The following GLIS3 variants were observed in gnomAD, a reference collection of about 807,000 sequenced individuals.
GLIS3 encodes the protein GLIS family zinc finger 3, also known as zinc finger protein GLIS3.
In GLIS3, 53 loss-of-function variants were observed where a neutral mutation model predicts 78.6. That is an observed-to-expected ratio of 0.67 (90% CI 0.54 to 0.85). The LOEUF is 0.85. GLIS3 is among the 40% of genes least tolerant of loss of function. GLIS3 has a pLI of 0.00. For synonymous variants in GLIS3, 684 were observed against 509.9 expected (o/e 1.34, Z -4.60); for missense variants, 1,703 against 1,231.1 (o/e 1.38, Z -5.74).
intron 2 of GLIS3, among the ~76,000 whole-genome samples, chr9:4,264,440 T>C (rs995511678): frequency 6.6e-6 from 1 of 152,216 alleles, no homozygotes; most frequent in African/African-American, 2.4e-5. Flanking sequence ...TGTCCTTTTT[T>C]AAAATGTAAG....
At chr9:3,886,754 C>T (rs1563813380) in intron 7 of GLIS3, among the ~76,000 whole-genome samples, 1 of 152,202 alleles carries the variant, frequency 6.6e-6, no homozygotes, top group African/African-American at 2.4e-5. Flanking sequence ...ATGAAAAATG[C>T]TCTCTGAACC....
At position 4,237,189 on chromosome 9, in the gene GLIS3, G is replaced by C. The variant is rs141592732; in HGVS notation, c.388+48849C>G. On this transcript the variant is annotated intron_variant, in intron 2 of 10. Transcript: ENST00000381971. ...GAAAACTGTATTATGTATTATAGCAGGTTATTTAGAATACAGAAAATATCC... is the reference window on the plus strand; with the variant it reads ...GAAAACTGTATTATGTATTATAGCACGTTATTTAGAATACAGAAAATATCC... Among the ~76,000 whole-genome samples the C allele has an allele frequency of 8.8e-3, 1,345 of 152,018 alleles. 21 individuals carry two copies. The highest frequency in any genetic ancestry group is 0.031 in the African/African-American group (1,293 of 41,522).
Position 3,879,549 on chromosome 9 carries a change from A to C in GLIS3, c.2175T>G (p.Ala725=). The C allele has an allele frequency of 6.2e-7, 1 of 1,614,152 alleles. No individual in the cohort carries two copies. Among genetic ancestry groups the C allele is most frequent in the Middle Eastern group, 1.7e-4 (1 of 6,060 alleles). The change falls in exon 8 of 11, where the codon GCT becomes GCG. Residue 725 remains alanine (A), a synonymous_variant. Transcript: ENST00000381971. Reference sequence around the variant, plus strand: ...CAGGATGTGGGGGTGGTACGGCCCCAGCAGCTGTTCCACTTCGGCTTGAAT... The same window carrying C: ...CAGGATGTGGGGGTGGTACGGCCCCCGCAGCTGTTCCACTTCGGCTTGAAT... ...SNYSSRSGTA[A]GAVPPPHPVS...
At chr9:4,017,349 A>G (rs1038074770) in intron 4 of GLIS3, among the ~76,000 whole-genome samples, 13 of 152,198 alleles carry the variant, frequency 8.5e-5, no homozygotes, top group Non-Finnish European at 1.8e-4. Flanking sequence ...CAACCAACAC[A>G]AGATGTAATT....
intron 4 of GLIS3, among the ~76,000 whole-genome samples, chr9:4,106,247 T>A (rs187824765): frequency 4.2e-4 from 64 of 152,292 alleles, no homozygotes; most frequent in Admixed American, 3.3e-3. Flanking sequence ...AGAGAACAGG[T>A]AGAGTTTTCA....
At chr9:3,849,089 C>G (rs989490728) in intron 9 of GLIS3, among the ~76,000 whole-genome samples, 6 of 152,146 alleles carry the variant, frequency 3.9e-5, no homozygotes, top group African/African-American at 1.4e-4. Context: ...GTAAGTGGTA[C>G]ATGGATGACA....
chr9:3,907,655 C>CACACACA (rs758113264), intron 6 of GLIS3, among the ~76,000 whole-genome samples: 113 of 146,306 alleles, frequency 7.7e-4, no homozygotes, highest in African/African-American at 2.0e-3. Flanking sequence ...CACACACACA[C>CACACACA]TACTAAACAG....
intron 2 of GLIS3, among the ~76,000 whole-genome samples, chr9:4,242,102 G>A (rs939835404): frequency 6.6e-6 from 1 of 152,164 alleles, no homozygotes; most frequent in Non-Finnish European, 1.5e-5. Flanking sequence ...AAAGGAGTGT[G>A]CAGGGGTGCC....
At chr9:4,466,996 G>C in the GLIS3 span, among the ~76,000 whole-genome samples, 3 of 152,238 alleles carry the variant, frequency 2.0e-5, no homozygotes, top group Non-Finnish European at 4.4e-5. Flanking sequence ...CCCGCACCTG[G>C]CTCGGCGGGT....
At chr9:4,416,252 T>TTTAAAAAAAA in the GLIS3 span, among the ~76,000 whole-genome samples, 7 of 75,804 alleles carry the variant, frequency 9.2e-5, 3 homozygotes, top group Non-Finnish European at 7.3e-5. Flanking sequence ...ACACTGTTTT[T>TTTAAAAAAAA]AAAAAAAAAA....
intron 2 of GLIS3, among the ~76,000 whole-genome samples, chr9:4,326,483 G>A (rs1339685025): frequency 6.6e-6 from 1 of 152,176 alleles, no homozygotes; most frequent in Non-Finnish European, 1.5e-5. Context: ...CTTACATGAA[G>A]TATTTACAGT....
intron 9 of GLIS3, among the ~76,000 whole-genome samples, chr9:3,846,961 G>A (rs1267609453): frequency 2.0e-5 from 3 of 152,088 alleles, no homozygotes; most frequent in Non-Finnish European, 4.4e-5. Flanking sequence ...AGGCAGGGGG[G>A]TCACCTGAAG....
At chr9:3,885,184 G>A (rs554339354) in intron 7 of GLIS3, among the ~76,000 whole-genome samples, 1 of 152,322 alleles carries the variant, frequency 6.6e-6, no homozygotes, top group South Asian at 2.1e-4. Flanking sequence ...TCAGATACTT[G>A]CTAGAGGCAT....
intron 4 of GLIS3, among the ~76,000 whole-genome samples, chr9:4,052,089 C>T (rs150487877): frequency 1.2e-3 from 185 of 152,300 alleles, no homozygotes; most frequent in East Asian, 0.011. Context: ...GAGATGTGCA[C>T]ACCTGAATAT....
chr9:4,481,172 AACTT>A, the GLIS3 span, among the ~76,000 whole-genome samples: 5 of 151,680 alleles, frequency 3.3e-5, 1 homozygote. Flanking sequence ...ACTGTTTTAT[AACTT>A]ACTTTTGCAT....
the GLIS3 span, among the ~76,000 whole-genome samples, chr9:4,387,687 C>G: frequency 1.3e-5 from 2 of 152,160 alleles, no homozygotes; most frequent in Non-Finnish European, 2.9e-5. Flanking sequence ...ACTCATTTGA[C>G]TAAGCAATTT....
intron 2 of GLIS3, among the ~76,000 whole-genome samples, chr9:4,165,243 C>T (rs1835787640): frequency 1.3e-5 from 2 of 152,116 alleles, no homozygotes; most frequent in Admixed American, 6.5e-5. Context: ...GAGTTCGAGA[C>T]CAGCCTGGCC....
Position 3,937,188 on chromosome 9 carries a change from A to C in GLIS3, c.1712T>G (p.Phe571Cys). 1 of 1,614,040 alleles carries C rather than the reference A, an allele frequency of 6.2e-7. No individual in the cohort carries two copies. Among genetic ancestry groups the C allele is most frequent in the East Asian group, 2.2e-5 (1 of 44,898 alleles). ...HSGEKPNKCT[F>C]EGCEKAFSRL... Reference sequence around the variant, plus strand: ...TGAAAAGGCCTTCTCGCAACCTTCAAACTGCAAAAAGAAAACAATTTTTGG... The same window carrying C: ...TGAAAAGGCCTTCTCGCAACCTTCACACTGCAAAAAGAAAACAATTTTTGG... Residue 571 changes from phenylalanine to cysteine, a missense_variant and splice_region_variant, in exon 5 of 11, where the codon TTT (phenylalanine) becomes TGT (cysteine). Physicochemically the swap from Phe to Cys is radical, Grantham distance 205. Transcript: ENST00000381971.
intron 4 of GLIS3, among the ~76,000 whole-genome samples, chr9:4,022,278 G>T (rs906835035): frequency 6.6e-6 from 1 of 152,132 alleles, no homozygotes; most frequent in African/African-American, 2.4e-5. Flanking sequence ...TACATCTCAG[G>T]TCCTGCGCTT....
Sources: allele counts gnomAD v4.1 joint callset (sites outside exome capture counted in the v4.1 genomes callset), GRCh38; gene constraint gnomAD v4.1.1; transcripts MANE v1.5; gene names NCBI Gene and HGNC (gene_info 2026-07-23, HGNC 2026-07-21).